Variants in ST3GAL3 observed in about 807,000 individuals in gnomAD.
ST3GAL3 encodes CMP-N-acetylneuraminate-beta-1,4-galactoside alpha-2,3-sialyltransferase.
Under a neutral mutation model 50.1 loss-of-function variants are expected in ST3GAL3, and 21 were observed. The observed-to-expected ratio is 0.42, with a 90% CI of 0.30 to 0.60. The LOEUF (loss-of-function observed/expected upper bound fraction) is 0.60. ST3GAL3 is among the 20% of genes least tolerant of loss of function. ST3GAL3 has a pLI of 0.19. For missense variants in ST3GAL3, 353 were observed against 489.4 expected, an observed-to-expected ratio of 0.72 and a Z score of 2.63; for synonymous variants, 183 against 190.0, an observed-to-expected ratio of 0.96 and a Z score of 0.30.
At chr1:43,790,787 C>T (rs12121688) in intron 2 of ST3GAL3, among the ~76,000 whole-genome samples, 52,614 of 151,586 alleles carry the variant, frequency 0.35, 10,109 homozygotes, top group East Asian at 0.54. Context: ...ACGCGTACCA[C>T]GCCCAGCTAA....
intron 5 of ST3GAL3, among the ~76,000 whole-genome samples, chr1:43,866,936 C>T (rs2071461259): frequency 6.6e-6 from 1 of 152,154 alleles, no homozygotes; most frequent in African/African-American, 2.4e-5. Context: ...TCAAGACCAG[C>T]CTGGCCAAGA....
chr1:43,916,734 C>G (rs2081878534), intron 9 of ST3GAL3: 2 of 152,094 alleles, frequency 1.3e-5, no homozygotes, highest in Non-Finnish European at 2.9e-5. Context: ...AGCCTCATGC[C>G]CAGCTAATTA....
intron 11 of ST3GAL3, among the ~76,000 whole-genome samples, chr1:43,928,053 C>T (rs2084326329): frequency 6.6e-6 from 1 of 152,142 alleles, no homozygotes; most frequent in Non-Finnish European, 1.5e-5. Context: ...CTGATGACTA[C>T]CTGAGTTTCA....
At chr1:43,883,154 T>A (rs138285208) in intron 5 of ST3GAL3, among the ~76,000 whole-genome samples, 20 of 152,072 alleles carry the variant, frequency 1.3e-4, no homozygotes, top group African/African-American at 4.8e-4. Context: ...TTTTTCATAA[T>A]GACAGGGTCT....
intron 2 of ST3GAL3, among the ~76,000 whole-genome samples, chr1:43,751,855 C>A (rs938906185): frequency 6.6e-6 from 1 of 151,782 alleles, no homozygotes; most frequent in Non-Finnish European, 1.5e-5. Context: ...CGGAGGTTCT[C>A]GTCACCCAGG....
At chr1:43,810,838 C>T (rs941638647) in intron 3 of ST3GAL3, among the ~76,000 whole-genome samples, 3 of 152,132 alleles carry the variant, frequency 2.0e-5, no homozygotes, top group South Asian at 2.1e-4. Flanking sequence ...GCCTCATTTA[C>T]GAAGAAAGCT....
At chr1:43,917,585 TTATATATAA>T (rs2082162933) in intron 9 of ST3GAL3, among the ~76,000 whole-genome samples, 1 of 61,412 alleles carries the variant, frequency 1.6e-5, no homozygotes, top group Admixed American at 3.2e-4. Flanking sequence ...ATATTACGTA[TTATATATAA>T]TATATATATT....
chr1:43,811,057 C>G (rs947418055), intron 3 of ST3GAL3, among the ~76,000 whole-genome samples: 1 of 152,192 alleles, frequency 6.6e-6, no homozygotes, highest in African/African-American at 2.4e-5. Flanking sequence ...TCACAGACAT[C>G]TTCATTTTGT....
chr1:43,851,716 G>A (rs1256050451), intron 5 of ST3GAL3: 4 of 1,253,462 alleles, frequency 3.2e-6, no homozygotes, highest in South Asian at 2.5e-5. Context: ...TGTGGGCCCT[G>A]TTGACTGGCA....
chr1:43,865,196 T>A lies in ST3GAL3; in HGVS notation c.302+26885T>A, dbSNP rs186487846. Among the ~76,000 whole-genome samples the A allele has an allele frequency of 1.9e-3, 294 of 152,142 alleles. 1 individual carries two copies. Among genetic ancestry groups the A allele is most frequent in the African/African-American group, 6.8e-3 (281 of 41,502 alleles). On this transcript the variant is annotated intron_variant, in intron 5 of 11. Transcript: ENST00000347631. ...CACGCCCGGCTATTTTTTTTTGTAT[T>A]TTTAATAGAGACGGGGTTTCACCAT...
At chr1:43,929,591 G>A (rs779272746) in intron 11 of ST3GAL3, among the ~76,000 whole-genome samples, 4 of 152,188 alleles carry the variant, frequency 2.6e-5, no homozygotes, top group African/African-American at 4.8e-5. Flanking sequence ...GTGAGCCACC[G>A]CGCCTGGCCT....
intron 2 of ST3GAL3, among the ~76,000 whole-genome samples, chr1:43,752,057 T>G (rs1686339762): frequency 6.6e-6 from 1 of 152,174 alleles, no homozygotes; most frequent in Non-Finnish European, 1.5e-5. Flanking sequence ...CCTCAGGCTA[T>G]CCTCCTGCCT....
Position 43,858,113 on chromosome 1 carries a change from C to T in ST3GAL3, c.302+19802C>T, listed in dbSNP as rs1005597515. 5 of 1,289,230 alleles carry T rather than the reference C, an allele frequency of 3.9e-6. No homozygotes were observed. In the African/African-American group the frequency reaches 6.1e-5, roughly 16 times the overall value. The allele number at this position is 1,289,230 out of a possible 1,614,324, so 79.9% of individuals were successfully genotyped here. A position where few individuals can be genotyped will look rare whatever the true frequency, so the allele number is the denominator to read the frequency against. On this transcript the variant is annotated intron_variant, in intron 5 of 11. Transcript: ENST00000347631. The stretch of plus-strand genomic sequence containing the variant: ...CAACCTTTCTGAGCCTCACCTTCCT[C>T]ATCTGTACCTATCTTCCCCAGAGCT...
At chr1:43,736,579 C>A in intron 2 of ST3GAL3, 199 bp downstream of exon 2, 2 of 891,730 alleles carry the variant, frequency 2.2e-6, no homozygotes, top group Non-Finnish European at 3.6e-6. Context: ...AAACTGCATG[C>A]CATGACAAAT....
intron 2 of ST3GAL3, among the ~76,000 whole-genome samples, chr1:43,790,886 T>C (rs1408584615): frequency 6.6e-6 from 1 of 152,050 alleles, no homozygotes; most frequent in African/African-American, 2.4e-5. Flanking sequence ...TCCACCCACC[T>C]CAGCCTCCCA....
chr1:43,738,880 T>G (rs1026677543), intron 2 of ST3GAL3: 1 of 152,198 alleles, frequency 6.6e-6, no homozygotes, highest in Non-Finnish European at 1.5e-5. Flanking sequence ...TAGGCTGTGT[T>G]TTAATAATAC....
rs367570974 is a variant in ST3GAL3, at chr1:43,899,288, G to A, written c.557+25G>A. On this transcript the variant is annotated intron_variant, in intron 8 of 11. Transcript: ENST00000347631. The surrounding 1 kb of genome is among the most constrained non-coding windows in gnomAD (Gnocchi z 5.4). The stretch of plus-strand genomic sequence containing the variant: ...GGTGAGCTCCCCAAAATGGCACCTC[G>A]GGTGAGTGTCGTGGCCCCAACCCTT... 5.6e-6 allele frequency: 9 copies of A among 1,614,002 alleles called. No homozygotes were observed. Among genetic ancestry groups the A allele is most frequent in the African/African-American group, 1.3e-5 (1 of 74,922 alleles).
chr1:43,909,392 C>T (rs573588255), intron 9 of ST3GAL3, among the ~76,000 whole-genome samples: 4 of 152,342 alleles, frequency 2.6e-5, no homozygotes, highest in African/African-American at 9.6e-5. Context: ...CAAGATCATT[C>T]TCCTTGATAA....
At chr1:43,925,482 C>T (rs2083763626) in intron 11 of ST3GAL3, among the ~76,000 whole-genome samples, 1 of 152,142 alleles carries the variant, frequency 6.6e-6, no homozygotes, top group Non-Finnish European at 1.5e-5. Context: ...GTAGTAAGCA[C>T]TCAGAAATCT....
Sources: allele counts gnomAD v4.1 joint callset (sites outside exome capture counted in the v4.1 genomes callset), GRCh38; gene constraint gnomAD v4.1.1; non-coding constraint Gnocchi (gnomAD v3.1); transcripts MANE v1.5; gene names NCBI Gene and HGNC (gene_info 2026-07-23, HGNC 2026-07-21).